SPIN1: variants seen among roughly 807,000 people sequenced by gnomAD.
SPIN1 encodes the protein spindlin-1.
SPIN1 carries 3 observed loss-of-function variants against 26.0 expected under a neutral mutation model. The observed-to-expected ratio is 0.12, with a 90% CI of 0.05 to 0.30. SPIN1 has a LOEUF of 0.30. Among genes scored for constraint, SPIN1 ranks in the 10% least tolerant of loss-of-function variants. The pLI, the probability that SPIN1 is intolerant of heterozygous loss-of-function variation, is 1.00. For synonymous variants in SPIN1, 101 were observed against 116.5 expected (o/e 0.87, Z 0.86); for missense variants, 126 against 333.4 (o/e 0.38, Z 4.84).
intron 1 of SPIN1, among the ~76,000 whole-genome samples, chr9:88,397,911 A>G (rs1227957959): frequency 6.6e-6 from 1 of 151,772 alleles, no homozygotes; most frequent in Non-Finnish European, 1.5e-5. Flanking sequence ...GGTGTGAGCC[A>G]CCGTGCCCAG....
intron 1 of SPIN1, among the ~76,000 whole-genome samples, chr9:88,391,209 A>G (rs1023969564): frequency 6.6e-6 from 1 of 152,180 alleles, no homozygotes; most frequent in Non-Finnish European, 1.5e-5. Flanking sequence ...CTGATAAATT[A>G]TTGGTGGTAT....
At chr9:88,409,426 G>T (rs1332191099) in intron 1 of SPIN1, among the ~76,000 whole-genome samples, 1 of 151,856 alleles carries the variant, frequency 6.6e-6, no homozygotes. Context: ...ATAATTTCGG[G>T]TCTAGGATGA....
chr9:88,462,374 A>T (rs1441626092), intron 3 of SPIN1, 122 bp from the exon 4 acceptor site: 1 of 1,372,632 alleles, frequency 7.3e-7, no homozygotes, highest in African/African-American at 1.4e-5. Context: ...AATGTGGCAA[A>T]CATGAGTTTG....
At chr9:88,436,133 C>G (rs907863460) in intron 2 of SPIN1, among the ~76,000 whole-genome samples, 1 of 151,928 alleles carries the variant, frequency 6.6e-6, no homozygotes, top group Non-Finnish European at 1.5e-5. Context: ...TGGGGTCTAA[C>G]TGTGTTGCCC....
rs141627565 is a variant in SPIN1, at chr9:88,402,678, A to G, written c.-159+14140A>G. ...GGCTGAATAGCATTCCATTGTGTAT[A>G]CATGCCACGTTTTCTTTATCTCTCT... On this transcript the variant is annotated intron_variant, in intron 1 of 5. Transcript: ENST00000375859. Among the ~76,000 whole-genome samples, 200 of 152,274 alleles carry G rather than the reference A, an allele frequency of 1.3e-3. 1 individual carries two copies. The highest frequency in any genetic ancestry group is 4.5e-3 in the African/African-American group (189 of 41,552).
chr9:88,434,602 T>G (rs149221507), intron 2 of SPIN1, among the ~76,000 whole-genome samples: 1 of 152,078 alleles, frequency 6.6e-6, no homozygotes, highest in South Asian at 2.1e-4. Flanking sequence ...TGCTTAACAA[T>G]GTGGGTTAAG....
intron 1 of SPIN1, among the ~76,000 whole-genome samples, chr9:88,423,434 T>TTTTG (rs141940848): frequency 7.9e-5 from 12 of 151,638 alleles, no homozygotes; most frequent in Non-Finnish European, 1.2e-4. Flanking sequence ...TTTGTGGGTT[T>TTTTG]TTTGTTTGTT....
chr9:88,451,524 A>G (rs990733025), intron 3 of SPIN1, among the ~76,000 whole-genome samples: 1 of 151,894 alleles, frequency 6.6e-6, no homozygotes, highest in Non-Finnish European at 1.5e-5. Context: ...ATGATTTGGG[A>G]CAAACATTTG....
chr9:88,471,067 C>G (rs1828773509), intron 5 of SPIN1, among the ~76,000 whole-genome samples: 1 of 152,048 alleles, frequency 6.6e-6, no homozygotes, highest in South Asian at 2.1e-4. Context: ...TTTTTACTTT[C>G]TTGATGATGA....
chr9:88,452,928 C>G (rs1828391808), intron 3 of SPIN1, among the ~76,000 whole-genome samples: 1 of 152,074 alleles, frequency 6.6e-6, no homozygotes. Context: ...TCCTTACAAC[C>G]TAGTATACAG....
chr9:88,461,986 T>A (rs1829098525), intron 3 of SPIN1, among the ~76,000 whole-genome samples: 1 of 152,224 alleles, frequency 6.6e-6, no homozygotes, highest in Admixed American at 6.5e-5. Flanking sequence ...TAGTTTATTT[T>A]TATTAGTTAA....
intron 2 of SPIN1, among the ~76,000 whole-genome samples, chr9:88,428,732 G>A (rs1027400942): frequency 5.0e-4 from 76 of 152,202 alleles, no homozygotes; most frequent in African/African-American, 1.5e-3. Context: ...ATGGCATATG[G>A]CATAGGCTTA....
chr9:88,405,145 A>C (rs559269239), intron 1 of SPIN1, among the ~76,000 whole-genome samples: 51 of 152,200 alleles, frequency 3.4e-4, no homozygotes, highest in Non-Finnish European at 4.9e-4. Context: ...GACTAAAATA[A>C]TGATTAAACA....
chr9:88,458,508 T>C (rs144127705), intron 3 of SPIN1, among the ~76,000 whole-genome samples: 1 of 152,264 alleles, frequency 6.6e-6, no homozygotes, highest in Non-Finnish European at 1.5e-5. Context: ...TGAAATGTGA[T>C]TCTAGCCATT....
intron 1 of SPIN1, among the ~76,000 whole-genome samples, chr9:88,410,150 A>G (rs974540211): frequency 2.9e-5 from 4 of 139,458 alleles, no homozygotes; most frequent in Non-Finnish European, 6.0e-5. Flanking sequence ...TGATGCTTTC[A>G]TGCATATATT....
At chr9:88,460,621 C>T (rs1412565753) in intron 3 of SPIN1, among the ~76,000 whole-genome samples, 1 of 152,120 alleles carries the variant, frequency 6.6e-6, no homozygotes, top group Non-Finnish European at 1.5e-5. Flanking sequence ...AACCAGGGGA[C>T]CCAGTGGTGT....
intron 1 of SPIN1, among the ~76,000 whole-genome samples, chr9:88,403,672 C>G (rs1269755375): frequency 1.3e-5 from 2 of 152,182 alleles, no homozygotes; most frequent in Non-Finnish European, 2.9e-5. Flanking sequence ...CCTGATCATA[C>G]CGCTGCACTT....
intron 3 of SPIN1, among the ~76,000 whole-genome samples, chr9:88,449,674 T>G (rs973733399): frequency 2.6e-5 from 4 of 152,182 alleles, no homozygotes; most frequent in African/African-American, 9.7e-5. Context: ...CTTTATTATA[T>G]CTAATAGATT....
intron 3 of SPIN1, among the ~76,000 whole-genome samples, chr9:88,462,198 A>C (rs1250808628): frequency 6.6e-6 from 1 of 152,184 alleles, no homozygotes; most frequent in Non-Finnish European, 1.5e-5. Context: ...AAAGCTGATA[A>C]CCTGATGCTT....
Sources: allele counts gnomAD v4.1 joint callset (sites outside exome capture counted in the v4.1 genomes callset), GRCh38; gene constraint gnomAD v4.1.1; transcripts MANE v1.5; gene names NCBI Gene and HGNC (gene_info 2026-07-23, HGNC 2026-07-21).